Variants in AVPR2 observed in about 807,000 individuals in gnomAD.
AVPR2 encodes arginine vasopressin receptor 2, also known as vasopressin V2 receptor.
Under a neutral mutation model 12.0 loss-of-function variants are expected in AVPR2, and 3 were observed. The observed-to-expected ratio is 0.25, with a 90% CI of 0.11 to 0.64. AVPR2 has a LOEUF of 0.64. AVPR2 is among the 30% of genes least tolerant of loss of function. AVPR2 has a pLI of 0.84. For synonymous variants in AVPR2, 143 were observed against 147.5 expected (o/e 0.97, Z 0.22); for missense variants, 279 against 347.9 (o/e 0.80, Z 1.58).
At chrX:153,905,217 G>A (rs1281674887) in intron 2 of AVPR2, 47 bp downstream of exon 2, 24 of 1,202,920 alleles carry the variant, frequency 2.0e-5, no homozygotes, top group African/African-American at 3.5e-5. Context: ...TGGGTTTGAC[G>A]ATTCAGGGAA....
At position 153,905,652 on chromosome X, in the gene AVPR2, T is replaced by C. The variant is rs1557100457; in HGVS notation, c.146T>C (p.Val49Ala). 6.6e-6 allele frequency: 8 copies of C among 1,210,616 alleles called. No homozygotes were observed. Among genetic ancestry groups the C allele is most frequent in the East Asian group, 5.9e-5 (2 of 33,792 alleles). ...CTGGCGCTGCTCTCCATAGTCTTTG[T>C]GGCTGTGGCCCTGAGCAATGGCCTG... is the stretch of plus-strand genomic sequence containing the variant. ...AELALLSIVF[V>A]AVALSNGLVL... Residue 49 changes from valine (V) to alanine (A), a missense_variant, in exon 3 of 4, where the codon GTG becomes GCG. Transcript: ENST00000646375.
Position 153,906,913 on chromosome X carries a change from G to C in AVPR2, c.*185G>C, listed in dbSNP as rs782080166. 3 of 535,421 alleles carry C rather than the reference G, an allele frequency of 5.6e-6. No individual in the cohort carries two copies. Among genetic ancestry groups the C allele is most frequent in the Admixed American group, 2.8e-5 (1 of 35,477 alleles). The allele number at this position is 535,421 out of a possible 1,213,427, so 44.1% of individuals were successfully genotyped here. On this transcript the variant is annotated 3_prime_UTR_variant, in exon 4 of 4. Transcript: ENST00000646375. ...TGCCTGGGTCTCCACATCCCCAGCT[G>C]TATGAGGAGAGCTTCAGGCCCCAGG...
Position 153,906,091 on chromosome X carries a change from C to T in AVPR2, c.585C>T (p.Cys195=). The stretch of plus-strand genomic sequence containing the variant: ...GCGGGGTCACTGACTGCTGGGCCTG[C>T]TTTGCGGAGCCCTGGGGCCGTCGCA... ...GGSGVTDCWA[C]FAEPWGRRTY... The change falls in exon 3 of 4, where the codon TGC becomes TGT. Residue 195 remains cysteine, a synonymous_variant. Transcript: ENST00000646375. The T allele has an allele frequency of 2.0e-5, 24 of 1,212,286 alleles. No homozygotes were observed. The highest frequency in any genetic ancestry group is 2.6e-5 in the Non-Finnish European group (23 of 895,589).
At position 153,906,836 on chromosome X, in the gene AVPR2, C is replaced by T. The variant is rs1053343847; in HGVS notation, c.*108C>T. The T allele has an allele frequency of 3.6e-6, 3 of 842,525 alleles. No individual in the cohort carries two copies. Among genetic ancestry groups the T allele is most frequent in the Non-Finnish European group, 5.2e-6 (3 of 577,759 alleles). 69.4% of individuals were successfully genotyped at this position (842,525 alleles called of 1,213,427 possible). ...GGGACCCGTGGAGAATTGGCCAGAGCCTGTGGCCCCGAGGCTGGGACACTG... is the reference window on the plus strand; with the variant it reads ...GGGACCCGTGGAGAATTGGCCAGAGTCTGTGGCCCCGAGGCTGGGACACTG... On this transcript the variant is annotated 3_prime_UTR_variant, in exon 4 of 4. Transcript: ENST00000646375.
At chrX:153,903,299 G>A (rs189443009), upstream of AVPR2, among the ~76,000 whole-genome samples, 1 of 111,204 alleles carries the variant, frequency 9.0e-6, no homozygotes, top group East Asian at 2.8e-4. Context: ...CAGGCCTGGG[G>A]TGCCAGCACT....
intron 2 of AVPR2, 82 bp from the exon 3 acceptor site, chrX:153,905,450 C>T (rs1241278534): frequency 2.3e-5 from 24 of 1,029,916 alleles, no homozygotes; most frequent in Middle Eastern, 3.5e-4. Flanking sequence ...AGTGGGTGTC[C>T]GGATGGGGGC....
At position 153,904,773 on chromosome X, in the gene AVPR2, T is replaced by A. The variant is rs2064951046; in HGVS notation, c.-173+2T>A. On this transcript the variant is annotated splice_donor_variant, in intron 1 of 3. Coordinates refer to ENST00000646375, the MANE Select transcript of AVPR2 (RefSeq NM_000054.7). LOFTEE classifies it low-confidence loss of function (5UTR_SPLICE). The stretch of plus-strand genomic sequence containing the variant: ...CCAGCTGCCCAGGAGCCCAGCCAGG[T>A]AAGGGGCTGCGCCTGCCTGCCCCCC... The A allele has an allele frequency of 3.1e-6, 1 of 324,449 alleles. No homozygotes were observed. Among genetic ancestry groups the A allele is most frequent in the Non-Finnish European group, 5.5e-6 (1 of 180,552 alleles). The allele number at this position is 324,449 out of a possible 1,213,427, so 26.7% of individuals were successfully genotyped here. A position where few individuals can be genotyped will look rare whatever the true frequency, so the allele number is the denominator to read the frequency against.
At chrX:153,905,256 C>T in intron 2 of AVPR2, 86 bp downstream of exon 2, 1 of 1,157,860 alleles carries the variant, frequency 8.6e-7, no homozygotes, top group Non-Finnish European at 1.2e-6. Flanking sequence ...CTCCTTCACC[C>T]TCACCTCTGG....
Position 153,907,022 on chromosome X carries a change from G to T in AVPR2, c.*294G>T. The T allele has an allele frequency of 2.1e-6, 1 of 467,206 alleles. No homozygotes were observed. Among genetic ancestry groups the T allele is most frequent in the African/African-American group, 2.3e-5 (1 of 43,109 alleles). The allele number at this position is 467,206 out of a possible 1,213,427, so 38.5% of individuals were successfully genotyped here. A position where few individuals can be genotyped will look rare whatever the true frequency, so the allele number is the denominator to read the frequency against. On this transcript the variant is annotated 3_prime_UTR_variant, in exon 4 of 4. Transcript: ENST00000646375. Reference sequence around the variant, plus strand: ...GGCCTGAGGAGTGGCAGGAAAGAGGGAGCAGGTGCCCCCAGGTGAGACAGC... The same window carrying T: ...GGCCTGAGGAGTGGCAGGAAAGAGGTAGCAGGTGCCCCCAGGTGAGACAGC...
chrX:153,903,341 A>G (rs2064942720), upstream of AVPR2, among the ~76,000 whole-genome samples: 1 of 76,587 alleles, frequency 1.3e-5, no homozygotes, highest in Admixed American at 1.4e-4. Context: ...CTCTGCAAAA[A>G]CATGGCAAAG....
intron 2 of AVPR2, 101 bp downstream of exon 2, chrX:153,905,271 G>C (rs2064954452): frequency 1.2e-5 from 13 of 1,111,108 alleles, no homozygotes; most frequent in Middle Eastern, 2.5e-4. Context: ...CTCTGGGTGT[G>C]TCTCTCCAGG....
At position 153,906,743 on chromosome X, in the gene AVPR2, T is replaced by C. The variant is rs1038436780; in HGVS notation, c.*15T>C. ...CTTCATCGTGAGGAGCTGTTGGGTG[T>C]CTTGCCTCTAGAGGCTTTGAGAAGC... On this transcript the variant is annotated 3_prime_UTR_variant, in exon 4 of 4. Coordinates refer to ENST00000646375, the MANE Select transcript of AVPR2 (RefSeq NM_000054.7). 1.7e-6 allele frequency: 2 copies of C among 1,198,823 alleles called. No individual in the cohort carries two copies. Among genetic ancestry groups the C allele is most frequent in the African/African-American group, 1.7e-5 (1 of 57,529 alleles).
upstream of AVPR2, chrX:153,902,701 C>T (rs1557099664): frequency 6.1e-6 from 2 of 329,956 alleles, no homozygotes; most frequent in East Asian, 9.7e-5. Flanking sequence ...GAGGAGACCG[C>T]CATGCGGGCC....
At chrX:153,903,992 G>A (rs1178645910), upstream of AVPR2, among the ~76,000 whole-genome samples, 1 of 111,017 alleles carries the variant, frequency 9.0e-6, no homozygotes, top group Non-Finnish European at 1.9e-5. Flanking sequence ...CATACTCATG[G>A]TATGTTCAAG....
rs373390935 is a variant in AVPR2 at position 153,906,444 on chromosome X, G to A, written c.910+28G>A. ...GGGTGTAGCCGTGGCTAGGGCTGAC[G>A]GGGCCACTTGGGCTTGGCCGCATGC... On this transcript the variant is annotated intron_variant, in intron 3 of 3. Transcript: ENST00000646375. 1.6e-4 allele frequency: 195 copies of A among 1,200,458 alleles called. No individual in the cohort carries two copies. The African/African-American group carries it at 2.6e-3, about 16-fold the overall frequency.
rs1557101084 is a variant in AVPR2 at position 153,906,610 on chromosome X, C to T, written c.998C>T (p.Ser333Phe). The T allele has an allele frequency of 1.7e-6, 2 of 1,203,464 alleles. No homozygotes were observed. The highest frequency in any genetic ancestry group is 4.4e-5 in the Admixed American group (2 of 45,668). ...TATGCATCTTTCAGCAGCAGCGTGTCCTCAGAGCTGCGAAGCTTGCTCTGC... is the reference window on the plus strand; with the variant it reads ...TATGCATCTTTCAGCAGCAGCGTGTTCTCAGAGCTGCGAAGCTTGCTCTGC... ...WIYASFSSSVSSELRSLLCCA... is the reference protein window; with the variant it reads ...WIYASFSSSVFSELRSLLCCA... The change falls in exon 4 of 4, where the codon TCC becomes TTC. Residue 333 changes from serine to phenylalanine, a missense_variant. Physicochemically the swap from Ser to Phe is radical, Grantham distance 155. Transcript: ENST00000646375.
In AVPR2 at chrX:153,906,839, G is replaced by C. The variant is rs1330941142; in HGVS notation, c.*111G>C. 2.4e-6 allele frequency: 2 copies of C among 823,031 alleles called. No individual in the cohort carries two copies. The highest frequency in any genetic ancestry group is 3.6e-6 in the Non-Finnish European group (2 of 560,087). 67.8% of individuals were successfully genotyped at this position (823,031 alleles called of 1,213,427 possible). A position where few individuals can be genotyped will look rare whatever the true frequency, so the allele number is the denominator to read the frequency against. On this transcript the variant is annotated 3_prime_UTR_variant, in exon 4 of 4. Coordinates refer to ENST00000646375, the MANE Select transcript of AVPR2 (RefSeq NM_000054.7). ...ACCCGTGGAGAATTGGCCAGAGCCT[G>C]TGGCCCCGAGGCTGGGACACTGTGT... is the stretch of plus-strand genomic sequence containing the variant.
At position 153,906,389 on chromosome X, in the gene AVPR2, G is replaced by T. The variant is rs781875789; in HGVS notation, c.883G>T (p.Ala295Ser). 1 of 1,210,792 alleles carries T rather than the reference G, an allele frequency of 8.3e-7. No individual in the cohort carries two copies. The highest frequency in any genetic ancestry group is 1.1e-6 in the Non-Finnish European group (1 of 894,634). Residue 295 changes from alanine to serine, a missense_variant, in exon 3 of 4, where the codon GCG becomes TCG. Transcript: ENST00000646375. ...CTTCTTCCTGGTGCAGCTGTGGGCC[G>T]CGTGGGACCCGGAGGCACCTCTGGA... ...APFFLVQLWA[A>S]WDPEAPLEGA...
chrX:153,904,953 C>A, intron 1 of AVPR2, 21 bp from the exon 2 acceptor site: 1 of 553,925 alleles, frequency 1.8e-6, no homozygotes. Flanking sequence ...CTGACCATCC[C>A]TCTCAATCTT....
Sources: allele counts gnomAD v4.1 joint callset (sites outside exome capture counted in the v4.1 genomes callset), GRCh38; gene constraint gnomAD v4.1.1; transcripts MANE v1.5; gene names NCBI Gene and HGNC (gene_info 2026-07-23, HGNC 2026-07-21).